The following SLC7A2 variants were observed in gnomAD, a reference collection of about 807,000 sequenced individuals.
SLC7A2 encodes cationic amino acid transporter 2.
SLC7A2 carries 48 observed loss-of-function variants against 58.9 expected under a neutral mutation model. The ratio of observed to expected loss-of-function variants is 0.82; its 90% CI spans 0.65 to 1.04. The LOEUF (loss-of-function observed/expected upper bound fraction) is 1.04. Ranked by LOEUF, SLC7A2 falls within the 50% of genes least tolerant of loss-of-function variation. The probability of loss-of-function intolerance (pLI) is 0.00; values close to 1 mark genes in which losing one functional copy is unlikely to be tolerated. For synonymous variants in SLC7A2, 363 were observed against 314.5 expected (o/e 1.15, Z -1.63); for missense variants, 1,029 against 818.8 (o/e 1.26, Z -3.13).
chr8:17,529,993 G>T (rs1429599674), intron 2 of SLC7A2, among the ~76,000 whole-genome samples: 1 of 152,112 alleles, frequency 6.6e-6, no homozygotes, highest in East Asian at 1.9e-4. Flanking sequence ...AATACGTCTT[G>T]AAGGAGACCC....
At chr8:17,504,982 G>T (rs142237604) in intron 2 of SLC7A2, among the ~76,000 whole-genome samples, 8 of 152,132 alleles carry the variant, frequency 5.3e-5, no homozygotes, top group African/African-American at 1.9e-4. Flanking sequence ...TGGGAAAGAA[G>T]AACTCTAAGA....
intron 8 of SLC7A2, 136 bp from the exon 9 acceptor site, chr8:17,558,159 A>G: frequency 1.7e-6 from 1 of 605,438 alleles, no homozygotes; most frequent in South Asian, 2.1e-5. Flanking sequence ...TGAGAGATAT[A>G]TTTTCTACAC....
chr8:17,534,694 G>GAAA (rs34390459), intron 2 of SLC7A2, among the ~76,000 whole-genome samples: 127 of 128,326 alleles, frequency 9.9e-4, no homozygotes, highest in Middle Eastern at 4.1e-3. Flanking sequence ...GTTTCAAATG[G>GAAA]AAAAAAAAAA....
upstream of SLC7A2, among the ~76,000 whole-genome samples, chr8:17,496,179 A>C (rs1219666689): frequency 6.6e-6 from 1 of 152,082 alleles, no homozygotes; most frequent in Non-Finnish European, 1.5e-5. Context: ...TGTAATTCTC[A>C]GCCTGGTGGC....
At chr8:17,524,911 A>G (rs1801164010) in intron 2 of SLC7A2, among the ~76,000 whole-genome samples, 1 of 152,076 alleles carries the variant, frequency 6.6e-6, no homozygotes, top group Non-Finnish European at 1.5e-5. Flanking sequence ...TGCTGCTTAT[A>G]GTGATAGCAC....
chr8:17,544,307 A>G (rs558617684), intron 3 of SLC7A2, 144 bp from the exon 4 acceptor site: 7 of 580,450 alleles, frequency 1.2e-5, no homozygotes, highest in African/African-American at 1.1e-4. Flanking sequence ...TGACTACTGT[A>G]TGATTATAAA....
chr8:17,562,242 T>TC, intron 11 of SLC7A2, 132 bp downstream of exon 11: 1 of 852,896 alleles, frequency 1.2e-6, no homozygotes, highest in Non-Finnish European at 1.7e-6. Context: ...TCTTTGTCAC[T>TC]CAGGCTGGAG....
intron 11 of SLC7A2, 67 bp downstream of exon 11, chr8:17,562,177 AGTATTTTTTTTTT>A: frequency 5.0e-6 from 3 of 601,606 alleles, no homozygotes; most frequent in African/African-American, 2.7e-5. Context: ...TAGTTTGGTA[AGTATTTTTTTTTT>A]TTTTTTTTTT....
intron 2 of SLC7A2, among the ~76,000 whole-genome samples, chr8:17,535,091 C>A (rs1801608757): frequency 6.6e-6 from 1 of 152,138 alleles, no homozygotes; most frequent in Non-Finnish European, 1.5e-5. Flanking sequence ...TTCTCAAATT[C>A]TACGTCTGGC....
intron 7 of SLC7A2, among the ~76,000 whole-genome samples, chr8:17,552,216 G>T (rs963327841): frequency 2.0e-5 from 3 of 152,094 alleles, no homozygotes; most frequent in Non-Finnish European, 4.4e-5. Context: ...CCAGGCTTCA[G>T]TAGAAATACA....
rs57092123 is a variant in SLC7A2 at position 17,566,754 on chromosome 8, A to G, written c.*1608A>G. 2 of 151,958 alleles carry G rather than the reference A, an allele frequency of 1.3e-5. No individual in the cohort carries two copies. The highest frequency in any genetic ancestry group is 2.9e-5 in the Non-Finnish European group (2 of 67,998). 9.4% of individuals were successfully genotyped at this position (151,958 alleles called of 1,614,324 possible). ...ATAGTGGACTGTTTATTTGCAGTGTATTTGCTTCTCATGAACTATTTCTCG... is the reference window on the plus strand; with the variant it reads ...ATAGTGGACTGTTTATTTGCAGTGTGTTTGCTTCTCATGAACTATTTCTCG... On this transcript the variant is annotated 3_prime_UTR_variant, in exon 13 of 13. Transcript: ENST00000494857.
At chr8:17,557,311 C>T (rs1237150233) in intron 8 of SLC7A2, among the ~76,000 whole-genome samples, 1 of 152,064 alleles carries the variant, frequency 6.6e-6, no homozygotes, top group Non-Finnish European at 1.5e-5. Context: ...TTTGATGTTT[C>T]AGTGGAGAAA....
chr8:17,494,930 G>A (rs746573233), upstream of SLC7A2, among the ~76,000 whole-genome samples: 6 of 152,338 alleles, frequency 3.9e-5, no homozygotes, highest in East Asian at 7.7e-4. Flanking sequence ...GCTTCAGGAA[G>A]TGCGCCGGCG....
intron 10 of SLC7A2, 37 bp downstream of exon 10, chr8:17,560,570 G>C: frequency 6.6e-6 from 10 of 1,524,288 alleles, no homozygotes; most frequent in Non-Finnish European, 9.1e-6. Flanking sequence ...TACAGACCCA[G>C]AAGATGTGTG....
At chr8:17,520,735 T>C (rs1014768785) in intron 2 of SLC7A2, 3 of 925,928 alleles carry the variant, frequency 3.2e-6, no homozygotes, top group African/African-American at 3.7e-5. Context: ...AGATGGGAGA[T>C]GAGAAGGACC....
intron 2 of SLC7A2, among the ~76,000 whole-genome samples, chr8:17,529,337 A>G (rs975058896): frequency 3.4e-5 from 5 of 149,070 alleles, no homozygotes; most frequent in Admixed American, 1.3e-4. Flanking sequence ...GCTCATTTCT[A>G]GGGCTCAATT....
chr8:17,495,239 C>T (rs943544042), upstream of SLC7A2, among the ~76,000 whole-genome samples: 2 of 152,198 alleles, frequency 1.3e-5, no homozygotes, highest in Non-Finnish European at 2.9e-5. Flanking sequence ...CCGCGACTCC[C>T]AGGAATCTCT....
intron 2 of SLC7A2, among the ~76,000 whole-genome samples, chr8:17,508,076 T>C (rs749651739): frequency 6.0e-5 from 9 of 151,102 alleles, no homozygotes; most frequent in Non-Finnish European, 1.3e-4. Flanking sequence ...TTTGGAGTGC[T>C]ATTGTGCTCT....
At position 17,551,781 on chromosome 8, in the gene SLC7A2, C is replaced by A. The variant is rs749199001; in HGVS notation, c.850C>A (p.Pro284Thr). 1 of 1,613,466 alleles carries A rather than the reference C, an allele frequency of 6.2e-7. No homozygotes were observed. The highest frequency in any genetic ancestry group is 8.5e-7 in the Non-Finnish European group (1 of 1,179,526). Residue 284 changes from proline (P) to threonine (T), a missense_variant, in exon 7 of 13, where the codon CCC (proline) becomes ACC (threonine). Pro to Thr is a conservative substitution (Grantham distance 38, BLOSUM62 -1). Transcript: ENST00000494857. ...IATTGEEVRN[P>T]QKAIPIGIVT... ...TTCCTTAGGTGAAGAAGTTCGGAATCCCCAGAAAGCTATTCCCATTGGAAT... is the reference window on the plus strand; with the variant it reads ...TTCCTTAGGTGAAGAAGTTCGGAATACCCAGAAAGCTATTCCCATTGGAAT...
Sources: allele counts gnomAD v4.1 joint callset (sites outside exome capture counted in the v4.1 genomes callset), GRCh38; gene constraint gnomAD v4.1.1; transcripts MANE v1.5; gene names NCBI Gene and HGNC (gene_info 2026-07-23, HGNC 2026-07-21).